The following DISC1 variants were observed in gnomAD, a reference collection of about 807,000 sequenced individuals.
DISC1 encodes the protein disrupted in schizophrenia 1 protein.
DISC1 carries 57 observed loss-of-function variants against 84.5 expected under a neutral mutation model. The ratio of observed to expected loss-of-function variants is 0.67; its 90% CI spans 0.55 to 0.84. DISC1 has a LOEUF of 0.84. Among genes scored for constraint, DISC1 ranks in the 40% least tolerant of loss-of-function variants. The pLI is 0.00. For synonymous variants in DISC1, 411 were observed against 415.2 expected, an observed-to-expected ratio of 0.99 and a Z score of 0.12; for missense variants, 1,000 against 1,057.8, an observed-to-expected ratio of 0.95 and a Z score of 0.76.
intron 3 of DISC1, among the ~76,000 whole-genome samples, chr1:231,747,352 T>C (rs2074103770): frequency 6.6e-6 from 1 of 152,234 alleles, no homozygotes; most frequent in Non-Finnish European, 1.5e-5. Flanking sequence ...CCCAGGCTCA[T>C]GTCCTCTGTT....
At chr1:231,639,649 T>C (rs1245453124) in intron 1 of DISC1, among the ~76,000 whole-genome samples, 1 of 152,218 alleles carries the variant, frequency 6.6e-6, no homozygotes, top group Non-Finnish European at 1.5e-5. Context: ...AGTCCTCTAG[T>C]GTCTGTAGAT....
chr1:231,717,382 G>A (rs1445657685), intron 3 of DISC1, among the ~76,000 whole-genome samples: 2 of 152,214 alleles, frequency 1.3e-5, no homozygotes, highest in Non-Finnish European at 2.9e-5. Context: ...TTTGGTGTTG[G>A]TAGTGGTAGC....
At chr1:231,832,799 C>A (rs1354778135) in intron 9 of DISC1, among the ~76,000 whole-genome samples, 1 of 148,748 alleles carries the variant, frequency 6.7e-6, no homozygotes. Context: ...TGATAAGGCG[C>A]AGATCCTGAA....
At chr1:231,811,811 A>G (rs201613990) in intron 8 of DISC1, among the ~76,000 whole-genome samples, 1 of 152,198 alleles carries the variant, frequency 6.6e-6, no homozygotes, top group South Asian at 2.1e-4. Flanking sequence ...AAGTTCAGCA[A>G]TCTCGCATGG....
rs114559305 is a variant in DISC1, at chr1:231,773,218, G to T, written c.1634+2148G>T. Among the ~76,000 whole-genome samples the T allele has an allele frequency of 5.0e-3, 757 of 152,286 alleles. 5 individuals carry two copies. Among genetic ancestry groups the T allele is most frequent in the African/African-American group, 0.017 (703 of 41,552 alleles). On this transcript the variant is annotated intron_variant, in intron 6 of 12. Transcript: ENST00000439617. ...AATTCTCTTTCCTCATCTAAAACTA[G>T]GAGCTCCACAGTGTGGTTGGCTGAT... is the stretch of plus-strand genomic sequence containing the variant.
intron 1 of DISC1, among the ~76,000 whole-genome samples, chr1:231,673,072 A>G (rs1042652331): frequency 1.3e-5 from 2 of 152,224 alleles, no homozygotes; most frequent in Non-Finnish European, 2.9e-5. Flanking sequence ...GGCTTACCCC[A>G]GGGTCAGGTG....
At chr1:231,845,735 G>A (rs12044041) in intron 9 of DISC1, among the ~76,000 whole-genome samples, 25,978 of 151,960 alleles carry the variant, frequency 0.17, 2,651 homozygotes, top group East Asian at 0.36. Context: ...GCTGGTAAAG[G>A]AGGGAAAGTG....
chr1:231,762,181 CTTCTTTTCTTTCTTTTCTT>C (rs1558497665), intron 4 of DISC1, among the ~76,000 whole-genome samples: 19 of 129,034 alleles, frequency 1.5e-4, no homozygotes, highest in African/African-American at 5.6e-4. Flanking sequence ...CCCTTCCTTC[CTTCTTTTCTTTCTTTTCTT>C]TTCTTTTCTT....
intron 1 of DISC1, among the ~76,000 whole-genome samples, chr1:231,631,372 T>G (rs1032401272): frequency 6.6e-6 from 1 of 152,252 alleles, no homozygotes; most frequent in Non-Finnish European, 1.5e-5. Flanking sequence ...AATGTTATTT[T>G]GTGTACTTCT....
rs1667858824 is a variant in DISC1 at position 232,009,720 on chromosome 1, C to T, written c.2307+671C>T. The T allele has an allele frequency of 1.7e-6, 1 of 578,244 alleles. No homozygotes were observed. Among genetic ancestry groups the T allele is most frequent in the South Asian group, 7.7e-5 (1 of 13,030 alleles). The allele number at this position is 578,244 out of a possible 1,614,324, so 35.8% of individuals were successfully genotyped here. ...TCCACTCCTCACTTTCCTCCTCCCA[C>T]CCTAACAAGAGTCTTTTCCATAAAA... On this transcript the variant is annotated intron_variant, in intron 11 of 12. Transcript: ENST00000439617. The surrounding 1 kb of genome is among the most constrained non-coding windows in gnomAD (Gnocchi z 4.6).
At chr1:231,708,420 A>G (rs1181077590) in intron 3 of DISC1, among the ~76,000 whole-genome samples, 1 of 152,250 alleles carries the variant, frequency 6.6e-6, no homozygotes. Context: ...GTGCGTATAC[A>G]TAACAATGTT....
intron 3 of DISC1, chr1:231,723,957 C>T: frequency 1.0e-6 from 1 of 985,414 alleles, no homozygotes. Context: ...GTGATGGTGA[C>T]TCCAGGAAGG....
Position 232,008,804 on chromosome 1 carries a change from G to A in DISC1, c.2062G>A (p.Gly688Arg). 1 of 1,582,216 alleles carries A rather than the reference G, an allele frequency of 6.3e-7. No homozygotes were observed. The highest frequency in any genetic ancestry group is 8.6e-7 in the Non-Finnish European group (1 of 1,163,762). The change falls in exon 11 of 13, where the codon GGG becomes AGG. Residue 688 changes from glycine to arginine, a missense_variant. Physicochemically the swap from Gly to Arg is moderately radical, Grantham distance 125. This residue lies in a region of DISC1 where 397 missense variants were observed against 377.5 expected (regional missense o/e 1.05). Coordinates refer to ENST00000439617, the MANE Select transcript of DISC1 (RefSeq NM_018662.3). The stretch of plus-strand genomic sequence containing the variant: ...TCTCAGCTGCAAGTGTCCACTGCTT[G>A]GGAAAGTGTGGGAAGCTGACTTGGA... Reference protein sequence around the residue: ...KLCSCKCPLLGKVWEADLEAC... With the variant: ...KLCSCKCPLLRKVWEADLEAC...
At chr1:232,001,536 C>A (rs1007568006) in intron 10 of DISC1, among the ~76,000 whole-genome samples, 1 of 152,012 alleles carries the variant, frequency 6.6e-6, no homozygotes, top group Non-Finnish European at 1.5e-5. Flanking sequence ...GAGATATAAT[C>A]CAACATATTA....
chr1:231,676,474 C>T (rs949739720), intron 1 of DISC1, among the ~76,000 whole-genome samples: 1 of 152,224 alleles, frequency 6.6e-6, no homozygotes, highest in African/African-American at 2.4e-5. Context: ...TGGTAAAATC[C>T]AGACATTTAT....
intron 9 of DISC1, among the ~76,000 whole-genome samples, chr1:231,841,558 G>A (rs1010183550): frequency 6.6e-6 from 1 of 152,210 alleles, no homozygotes; most frequent in African/African-American, 2.4e-5. Context: ...TGTTCTAAAT[G>A]CTTAGTATCA....
intron 9 of DISC1, among the ~76,000 whole-genome samples, chr1:231,848,376 T>C (rs2083614178): frequency 6.6e-6 from 1 of 152,194 alleles, no homozygotes; most frequent in South Asian, 2.1e-4. Flanking sequence ...AATGAGCGAA[T>C]ATTTAAATGA....
At chr1:232,003,671 ATCAATGAAGTAC>A (rs1176457048) in intron 10 of DISC1, among the ~76,000 whole-genome samples, 1 of 152,140 alleles carries the variant, frequency 6.6e-6, no homozygotes, top group East Asian at 1.9e-4. Flanking sequence ...ATTTACAAAA[ATCAATGAAGTAC>A]TAGGTGATAG....
rs1659089461 is a variant in DISC1, at chr1:231,954,617, T to C, written c.1982-4211T>C. Reference sequence around the variant, plus strand: ...CATTTCTTTGAGCGCCCTCTTTGCTTCTTGGAACCTTGCCTTACTACCATT... The same window carrying C: ...CATTTCTTTGAGCGCCCTCTTTGCTCCTTGGAACCTTGCCTTACTACCATT... On this transcript the variant is annotated intron_variant, in intron 9 of 12. Coordinates refer to ENST00000439617, the MANE Select transcript of DISC1 (RefSeq NM_018662.3). The surrounding 1 kb of genome is among the most constrained non-coding windows in gnomAD (Gnocchi z 4.8). Among the ~76,000 whole-genome samples the C allele has an allele frequency of 6.6e-6, 1 of 152,170 alleles. No homozygotes were observed. The highest frequency in any genetic ancestry group is 2.1e-4 in the South Asian group (1 of 4,824).
Sources: gnomAD v4.1 joint callset for allele counts (sites outside exome capture counted in the v4.1 genomes callset) on GRCh38, gnomAD v4.1.1 for gene constraint, gnomAD v4.1.1 regional missense constraint, Gnocchi (gnomAD v3.1) non-coding constraint, MANE v1.5 for transcripts, NCBI Gene and HGNC (gene_info 2026-07-23, HGNC 2026-07-21) for gene names.